B4GALT4: variants seen among roughly 807,000 people sequenced by gnomAD.
B4GALT4 encodes the protein N-acetyllactosamine synthase.
B4GALT4 carries 27 observed loss-of-function variants against 37.3 expected under a neutral mutation model. The ratio of observed to expected loss-of-function variants is 0.72; its 90% confidence interval spans 0.53 to 1.00. B4GALT4 has a LOEUF of 1.00. Among genes scored for constraint, B4GALT4 ranks in the 50% least tolerant of loss-of-function variants. The pLI is 0.00. For synonymous variants in B4GALT4, 148 were observed against 154.1 expected (o/e 0.96, Z 0.29); for missense variants, 372 against 413.1 (o/e 0.90, Z 0.86).
At chr3:119,239,550 G>T (rs1031414908) in intron 1 of B4GALT4, among the ~76,000 whole-genome samples, 1 of 152,006 alleles carries the variant, frequency 6.6e-6, no homozygotes, top group Non-Finnish European at 1.5e-5. Flanking sequence ...CTATTAGCTC[G>T]GCTTAAAGTA....
At chr3:119,216,091 T>G (rs1177088737) in intron 7 of B4GALT4, 149 bp downstream of exon 7, 6 of 511,098 alleles carry the variant, frequency 1.2e-5, no homozygotes, top group Non-Finnish European at 1.6e-5. Context: ...GTGCACCACT[T>G]TCTCTCCTTT....
chr3:119,216,177 T>A lies in B4GALT4; in HGVS notation c.902+63A>T, dbSNP rs1345274791. On this transcript the variant is annotated intron_variant, in intron 7 of 7. Transcript: ENST00000393765. ...GGCTCAAATCTGATCGAATTCAACA[T>A]AGTCCTTATTGACAGAACAGACTAG... 3 of 1,308,436 alleles carry A rather than the reference T, an allele frequency of 2.3e-6. No homozygotes were observed. The African/African-American group carries it at 4.5e-5, about 20-fold the overall frequency. 81.1% of individuals were successfully genotyped at this position (1,308,436 alleles called of 1,614,324 possible). A position where few individuals can be genotyped will look rare whatever the true frequency, so the allele number is the denominator to read the frequency against.
At position 119,229,888 on chromosome 3, in the gene B4GALT4, T is replaced by C. The variant is rs1332809448; in HGVS notation, c.212A>G (p.Lys71Arg). The C allele has an allele frequency of 5.0e-6, 8 of 1,614,094 alleles. No individual in the cohort carries two copies. Among genetic ancestry groups the C allele is most frequent in the African/African-American group, 1.3e-5 (1 of 74,938 alleles). ...AGAAGGGCAGTTGTCAAGTTCTACC[T>C]TCTTCGTGGATGCTTCATTAGTCAG... ...KTLTNEASTKKVELDNCPSVS... is the reference protein window; with the variant it reads ...KTLTNEASTKRVELDNCPSVS... The change falls in exon 3 of 8, where the codon AAG becomes AGG. Residue 71 changes from lysine to arginine, a missense_variant. Coordinates refer to ENST00000393765, the MANE Select transcript of B4GALT4 (RefSeq NM_003778.4).
chr3:119,224,371 A>G (rs2078538304), intron 4 of B4GALT4, 126 bp from the exon 5 acceptor site: 5 of 635,906 alleles, frequency 7.9e-6, no homozygotes, highest in Non-Finnish European at 7.3e-6. Context: ...CACTTGTGAC[A>G]TAAAGATCTG....
At chr3:119,217,277 A>G (rs572408064) in intron 6 of B4GALT4, among the ~76,000 whole-genome samples, 12 of 151,366 alleles carry the variant, frequency 7.9e-5, no homozygotes, top group Non-Finnish European at 1.5e-4. Context: ...CTTGTCCTGA[A>G]ATGTAGCACG....
chr3:119,238,263 TAA>T (rs35361911), intron 1 of B4GALT4, among the ~76,000 whole-genome samples: 8 of 109,032 alleles, frequency 7.3e-5, no homozygotes, highest in Admixed American at 2.1e-4. Flanking sequence ...ACCCTGTCTC[TAA>T]AAAAAAAAAA....
chr3:119,219,571 G>A (rs2078391962), intron 5 of B4GALT4, among the ~76,000 whole-genome samples: 1 of 152,246 alleles, frequency 6.6e-6, no homozygotes, highest in Non-Finnish European at 1.5e-5. Context: ...CTGTTATCAT[G>A]TAGTACCTGA....
rs1450994586 is a variant in B4GALT4, at chr3:119,211,809, T to C, written c.*740A>G. On this transcript the variant is annotated 3_prime_UTR_variant, in exon 8 of 8. Coordinates refer to ENST00000393765, the MANE Select transcript of B4GALT4 (RefSeq NM_003778.4). ...TATTATTAGTTAATATGTAAACTTG[T>C]AAACTGCTAATTCATATCCTACTTG... 3 of 246,616 alleles carry C rather than the reference T, an allele frequency of 1.2e-5. No homozygotes were observed. In the East Asian group the frequency reaches 2.4e-4, roughly 19 times the overall value. 15.3% of individuals were successfully genotyped at this position (246,616 alleles called of 1,614,324 possible).
chr3:119,229,266 G>T (rs552831992), intron 3 of B4GALT4, among the ~76,000 whole-genome samples: 73 of 152,278 alleles, frequency 4.8e-4, no homozygotes, highest in African/African-American at 1.7e-3. Context: ...GAGGACAGGA[G>T]GCACATGGGG....
intron 3 of B4GALT4, among the ~76,000 whole-genome samples, chr3:119,229,233 G>A (rs1369019216): frequency 6.6e-6 from 1 of 152,176 alleles, no homozygotes; most frequent in East Asian, 1.9e-4. Flanking sequence ...AACATACCCA[G>A]GCTAGCCCAC....
At position 119,212,350 on chromosome 3, in the gene B4GALT4, G is replaced by A; in HGVS notation, c.*199C>T. ...AATATTTAACCCTCATGATCAAAAT[G>A]ACTAAGAAAGCTGTCTTGTTACAAC... is the stretch of plus-strand genomic sequence containing the variant. On this transcript the variant is annotated 3_prime_UTR_variant, in exon 8 of 8. Transcript: ENST00000393765. 1.6e-6 allele frequency: 1 copy of A among 641,524 alleles called. No individual in the cohort carries two copies. Among genetic ancestry groups the A allele is most frequent in the Non-Finnish European group, 2.8e-6 (1 of 362,282 alleles). The allele number at this position is 641,524 out of a possible 1,614,324, so 39.7% of individuals were successfully genotyped here.
At chr3:119,218,009 T>C (rs568631861) in intron 6 of B4GALT4, among the ~76,000 whole-genome samples, 3 of 152,246 alleles carry the variant, frequency 2.0e-5, no homozygotes, top group Non-Finnish European at 4.4e-5. Flanking sequence ...ACTATAACTA[T>C]CTGGCCCCCA....
chr3:119,240,432 C>A (rs2079120129), intron 1 of B4GALT4: 1 of 152,280 alleles, frequency 6.6e-6, no homozygotes, highest in Admixed American at 6.5e-5. Context: ...TCAGTTTCCC[C>A]GTTGAAACGC....
At chr3:119,226,672 G>C (rs960451150) in intron 4 of B4GALT4, 137 bp downstream of exon 4, 2 of 729,552 alleles carry the variant, frequency 2.7e-6, no homozygotes, top group Non-Finnish European at 4.4e-6. Flanking sequence ...TCCTTTCAAG[G>C]ATAAATGAGG....
At chr3:119,216,463 C>T (rs1388567797) in intron 6 of B4GALT4, 119 bp from the exon 7 acceptor site, 8 of 454,218 alleles carry the variant, frequency 1.8e-5, no homozygotes, top group South Asian at 5.4e-5. Context: ...CACACACACA[C>T]ACACACACAG....
intron 4 of B4GALT4, chr3:119,226,525 G>C: frequency 2.4e-6 from 1 of 425,302 alleles, no homozygotes; most frequent in South Asian, 2.6e-5. Context: ...AAGCCTCCGG[G>C]GAAATCTGAG....
At chr3:119,215,949 GAATA>G (rs1217951809) in intron 7 of B4GALT4, 1 of 196,864 alleles carries the variant, frequency 5.1e-6, no homozygotes, top group East Asian at 1.1e-4. Context: ...TATATTTTAA[GAATA>G]CATACTGAAG....
intron 1 of B4GALT4, 151 bp from the exon 2 acceptor site, chr3:119,237,221 G>A (rs2079010255): frequency 6.6e-6 from 1 of 152,154 alleles, no homozygotes; most frequent in South Asian, 2.1e-4. Context: ...ACCAACAGTG[G>A]AGTCAGTAGG....
chr3:119,212,002 T>G lies in B4GALT4; in HGVS notation c.*547A>C, dbSNP rs2078173861. The G allele has an allele frequency of 1.7e-6, 1 of 603,298 alleles. No individual in the cohort carries two copies. The highest frequency in any genetic ancestry group is 3.0e-6 in the Non-Finnish European group (1 of 337,006). The allele number at this position is 603,298 out of a possible 1,614,324, so 37.4% of individuals were successfully genotyped here. A position where few individuals can be genotyped will look rare whatever the true frequency, so the allele number is the denominator to read the frequency against. ...GCCGACACTCCACCCTCCTGCTACC[T>G]CTTCATTCCCAAGTTCACTGTGTCC... On this transcript the variant is annotated 3_prime_UTR_variant, in exon 8 of 8. Coordinates refer to ENST00000393765, the MANE Select transcript of B4GALT4 (RefSeq NM_003778.4).
Sources: allele counts gnomAD v4.1 joint callset (sites outside exome capture counted in the v4.1 genomes callset), GRCh38; gene constraint gnomAD v4.1.1; transcripts MANE v1.5; gene names NCBI Gene and HGNC (gene_info 2026-07-23, HGNC 2026-07-21).